Variants in CAST observed in about 807,000 individuals in gnomAD.
CAST encodes the protein MIR583 host.
In CAST, 76 loss-of-function variants were observed where a neutral mutation model predicts 119.6. The ratio of observed to expected loss-of-function variants is 0.64; its 90% CI spans 0.53 to 0.77. CAST has a LOEUF of 0.77. CAST is among the 30% of genes least tolerant of loss of function. The pLI, the probability that CAST is intolerant of heterozygous loss-of-function variation, is 0.00. For synonymous variants in CAST, 319 were observed against 331.6 expected (o/e 0.96, Z 0.41); for missense variants, 953 against 946.5 (o/e 1.01, Z -0.09).
chr5:95,997,057 G>T, the CAST span, among the ~76,000 whole-genome samples: 4 of 152,154 alleles, frequency 2.6e-5, no homozygotes, highest in African/African-American at 9.7e-5. Flanking sequence ...TGGAACCAAA[G>T]AAGCAAACTT....
At chr5:96,331,078 AT>A in the CAST span, among the ~76,000 whole-genome samples, 1 of 152,090 alleles carries the variant, frequency 6.6e-6, no homozygotes, top group African/African-American at 2.4e-5. Context: ...AAAATTATGG[AT>A]TCCATTTCCA....
intron 1 of CAST, among the ~76,000 whole-genome samples, chr5:96,644,451 A>G (rs1349073067): frequency 6.6e-6 from 1 of 152,242 alleles, no homozygotes; most frequent in African/African-American, 2.4e-5. Flanking sequence ...AAAATTTACT[A>G]CAAATATTTT....
At chr5:96,588,946 T>C (rs1746912758) in intron 1 of CAST, among the ~76,000 whole-genome samples, 1 of 152,236 alleles carries the variant, frequency 6.6e-6, no homozygotes, top group Non-Finnish European at 1.5e-5. Context: ...TAATATATTT[T>C]ATTCAATTGA....
At chr5:96,548,982 T>G (rs1746070513) in intron 1 of CAST, among the ~76,000 whole-genome samples, 2 of 152,170 alleles carry the variant, frequency 1.3e-5, no homozygotes, top group Non-Finnish European at 2.9e-5. Context: ...GTGACCCACA[T>G]GCTACTGGCC....
chr5:96,326,201 G>C, the CAST span, among the ~76,000 whole-genome samples: 1 of 152,060 alleles, frequency 6.6e-6, no homozygotes, highest in African/African-American at 2.4e-5. Flanking sequence ...TTCTTCTGGT[G>C]CTGCTGCTTT....
chr5:95,978,070 T>A, the CAST span, among the ~76,000 whole-genome samples: 1 of 152,150 alleles, frequency 6.6e-6, no homozygotes, highest in Non-Finnish European at 1.5e-5. Context: ...TTAGGGTGAT[T>A]CCATGTCTTT....
the CAST span, among the ~76,000 whole-genome samples, chr5:96,172,344 G>C: frequency 0.32 from 48,641 of 152,138 alleles, 7,966 homozygotes; most frequent in Admixed American, 0.41. Flanking sequence ...TGATTCTTCA[G>C]TTACTTCAGC....
the CAST span, among the ~76,000 whole-genome samples, chr5:96,502,883 C>T: frequency 6.6e-6 from 1 of 152,138 alleles, no homozygotes; most frequent in Non-Finnish European, 1.5e-5. Context: ...AATTCTTCAT[C>T]CCTCTTTGAT....
At chr5:96,699,788 T>G (rs1355364553) in intron 3 of CAST, among the ~76,000 whole-genome samples, 1 of 152,106 alleles carries the variant, frequency 6.6e-6, no homozygotes, top group East Asian at 1.9e-4. Context: ...TGGTGAGGTT[T>G]TTCAAATATG....
the CAST span, among the ~76,000 whole-genome samples, chr5:96,502,102 G>A: frequency 6.6e-6 from 1 of 152,090 alleles, no homozygotes; most frequent in African/African-American, 2.4e-5. Context: ...CAATTGGCAA[G>A]ATTGATGTGA....
At chr5:96,509,827 G>A in the CAST span, among the ~76,000 whole-genome samples, 1 of 152,162 alleles carries the variant, frequency 6.6e-6, no homozygotes, top group African/African-American at 2.4e-5. Context: ...AACTTCTGTT[G>A]TTTTTCTTTA....
At chr5:96,658,784 T>A (rs1352038071), upstream of CAST, among the ~76,000 whole-genome samples, 3 of 152,190 alleles carry the variant, frequency 2.0e-5, no homozygotes, top group African/African-American at 7.2e-5. Flanking sequence ...GGTAACAGGT[T>A]AGGGAACTGA....
the CAST span, among the ~76,000 whole-genome samples, chr5:96,042,270 C>T: frequency 6.6e-6 from 1 of 152,160 alleles, no homozygotes; most frequent in African/African-American, 2.4e-5. Flanking sequence ...CCTAGTTATG[C>T]AAGCCAATAG....
chr5:96,103,320 G>A, the CAST span, among the ~76,000 whole-genome samples: 1 of 150,094 alleles, frequency 6.7e-6, no homozygotes, highest in African/African-American at 2.4e-5. Flanking sequence ...TCTAGCATTA[G>A]GTATATCTCC....
chr5:96,094,835 C>T, the CAST span, among the ~76,000 whole-genome samples: 4 of 152,200 alleles, frequency 2.6e-5, no homozygotes, highest in African/African-American at 7.2e-5. Context: ...TTGTGTATTA[C>T]AACAAGCAAT....
At chr5:96,458,497 GAC>G in the CAST span, among the ~76,000 whole-genome samples, 1 of 152,088 alleles carries the variant, frequency 6.6e-6, no homozygotes. Context: ...GCCAAGGAAA[GAC>G]ACAAACAAAT....
chr5:96,532,409 C>T (rs1186697571), intron 1 of CAST, among the ~76,000 whole-genome samples: 1 of 152,092 alleles, frequency 6.6e-6, no homozygotes, highest in Non-Finnish European at 1.5e-5. Flanking sequence ...AAACAACTTA[C>T]AAAGAATCAA....
At chr5:96,531,760 G>C (rs1745693027) in intron 1 of CAST, among the ~76,000 whole-genome samples, 1 of 152,170 alleles carries the variant, frequency 6.6e-6, no homozygotes, top group South Asian at 2.1e-4. Context: ...TTTCTTTCAT[G>C]TCTGCAGAGA....
At chr5:96,041,868 G>A in the CAST span, among the ~76,000 whole-genome samples, 1 of 152,118 alleles carries the variant, frequency 6.6e-6, no homozygotes, top group Non-Finnish European at 1.5e-5. Context: ...CCTCCCAGTT[G>A]ATATGGCTGG....
Sources: gnomAD v4.1 joint callset for allele counts (sites outside exome capture counted in the v4.1 genomes callset) on GRCh38, gnomAD v4.1.1 for gene constraint, MANE v1.5 for transcripts, NCBI Gene and HGNC (gene_info 2026-07-23, HGNC 2026-07-21) for gene names.